The following CCDC146 variants were observed in gnomAD, a reference collection of about 807,000 sequenced individuals.
CCDC146 encodes the protein coiled-coil domain-containing protein 146.
In CCDC146, 92 loss-of-function variants were observed where a neutral mutation model predicts 119.3. That is an observed-to-expected ratio of 0.77 (90% CI 0.65 to 0.92). The LOEUF is 0.92. CCDC146 is among the 40% of genes least tolerant of loss of function. The probability of loss-of-function intolerance (pLI) is 0.00; values close to 1 mark genes in which losing one functional copy is unlikely to be tolerated. For missense variants in CCDC146, 1,000 were observed against 1,103.0 expected (o/e 0.91, Z 1.32); for synonymous variants, 372 against 371.8 (o/e 1.00, Z -0.01).
chr7:77,209,311 C>T (rs1792138551), intron 2 of CCDC146, among the ~76,000 whole-genome samples: 1 of 152,224 alleles, frequency 6.6e-6, no homozygotes, highest in South Asian at 2.1e-4. Context: ...AATCCAAAAC[C>T]CAGCAGGGCA....
At chr7:77,193,090 C>A (rs568415034) in intron 2 of CCDC146, among the ~76,000 whole-genome samples, 1 of 152,092 alleles carries the variant, frequency 6.6e-6, no homozygotes, top group South Asian at 2.1e-4. Flanking sequence ...TATTCAGATG[C>A]GTTTGTGTTG....
chr7:77,230,139 T>A (rs574706941), intron 2 of CCDC146, among the ~76,000 whole-genome samples: 1 of 152,340 alleles, frequency 6.6e-6, no homozygotes, highest in South Asian at 2.1e-4. Flanking sequence ...CATTCCTTTT[T>A]ATGGCTGAAT....
chr7:77,273,222 G>A (rs1407134488), intron 9 of CCDC146, among the ~76,000 whole-genome samples: 1 of 152,176 alleles, frequency 6.6e-6, no homozygotes, highest in Admixed American at 6.5e-5. Flanking sequence ...CCCACCTCAT[G>A]AGGGGTATTG....
chr7:77,278,478 CT>C lies in CCDC146; in HGVS notation c.1441-271del, dbSNP rs1458823660. Among the ~76,000 whole-genome samples the C allele has an allele frequency of 7.0e-5, 8 of 113,948 alleles. No individual in the cohort carries two copies. The Admixed American group carries it at 8.2e-4, about 12-fold the overall frequency. 74.8% of individuals were successfully genotyped at this position (113,948 alleles called of 152,430 possible). A position where few individuals can be genotyped will look rare whatever the true frequency, so the allele number is the denominator to read the frequency against. ...TTTTTTTTGGAGAGACAGGATCTTA[CT>C]TTGTCGCCCAGGCTGGAGCGGAGTG... On this transcript the variant is annotated intron_variant, in intron 11 of 18. Coordinates refer to ENST00000285871, the MANE Select transcript of CCDC146 (RefSeq NM_020879.3).
At chr7:77,210,840 G>T in intron 2 of CCDC146, among the ~76,000 whole-genome samples, 1 of 152,142 alleles carries the variant, frequency 6.6e-6, no homozygotes, top group East Asian at 1.9e-4. Context: ...GAGGGAGAGA[G>T]TGTGAAAGGG....
chr7:77,154,614 G>C (rs1355193120), intron 1 of CCDC146, among the ~76,000 whole-genome samples: 1 of 151,864 alleles, frequency 6.6e-6, no homozygotes, highest in Non-Finnish European at 1.5e-5. Flanking sequence ...TTTCATCCAT[G>C]TCCCTACAAA....
intron 2 of CCDC146, among the ~76,000 whole-genome samples, chr7:77,170,684 C>T (rs192690215): frequency 6.9e-4 from 105 of 152,288 alleles, no homozygotes; most frequent in Non-Finnish European, 1.1e-3. Flanking sequence ...GGTCTGATAT[C>T]TGGAATCTAT....
At chr7:77,251,445 A>T (rs1340629908) in intron 4 of CCDC146, among the ~76,000 whole-genome samples, 2 of 152,130 alleles carry the variant, frequency 1.3e-5, no homozygotes, top group Non-Finnish European at 2.9e-5. Context: ...ATTCCTGATA[A>T]TTCACACATC....
chr7:77,185,278 C>G (rs543487434), intron 2 of CCDC146, among the ~76,000 whole-genome samples: 34 of 152,196 alleles, frequency 2.2e-4, no homozygotes, highest in African/African-American at 7.7e-4. Flanking sequence ...AAAATTAAAA[C>G]AGGTTAGAGT....
At chr7:77,198,322 G>A (rs1463846898) in intron 2 of CCDC146, 10 of 985,288 alleles carry the variant, frequency 1.0e-5, no homozygotes, top group Non-Finnish European at 1.2e-5. Flanking sequence ...TTCATGGTAA[G>A]TAGAGGTCCA....
At chr7:77,289,124 G>C (rs755600428) in intron 17 of CCDC146, among the ~76,000 whole-genome samples, 5 of 152,228 alleles carry the variant, frequency 3.3e-5, no homozygotes, top group Non-Finnish European at 5.9e-5. Flanking sequence ...CGAAGGCTCA[G>C]TTAAGCTCAT....
Position 77,294,988 on chromosome 7 carries a change from G to A in CCDC146, c.*122G>A. 1.3e-6 allele frequency: 1 copy of A among 748,082 alleles called. No homozygotes were observed. Among genetic ancestry groups the A allele is most frequent in the Non-Finnish European group, 2.1e-6 (1 of 467,502 alleles). The allele number at this position is 748,082 out of a possible 1,614,324, so 46.3% of individuals were successfully genotyped here. A position where few individuals can be genotyped will look rare whatever the true frequency, so the allele number is the denominator to read the frequency against. ...TTGATAAGTAAGGTAACCACAATTAGTCAGCAACAGAGTACAACAGGGTTT... is the reference window on the plus strand; with the variant it reads ...TTGATAAGTAAGGTAACCACAATTAATCAGCAACAGAGTACAACAGGGTTT... On this transcript the variant is annotated 3_prime_UTR_variant, in exon 19 of 19. Transcript: ENST00000285871.
At chr7:77,185,293 G>GA (rs1301466930) in intron 2 of CCDC146, among the ~76,000 whole-genome samples, 1 of 152,028 alleles carries the variant, frequency 6.6e-6, no homozygotes, top group African/African-American at 2.4e-5. Flanking sequence ...TAGAGTCACT[G>GA]AAAAAAATAT....
chr7:77,236,830 C>G, intron 2 of CCDC146, 117 bp from the exon 3 acceptor site: 4 of 737,230 alleles, frequency 5.4e-6, no homozygotes, highest in Non-Finnish European at 7.0e-6. Context: ...TACATTGCCT[C>G]GTGTATCCTC....
chr7:77,154,894 G>A (rs1791159536), intron 1 of CCDC146, among the ~76,000 whole-genome samples: 1 of 151,978 alleles, frequency 6.6e-6, no homozygotes, highest in African/African-American at 2.4e-5. Context: ...CTTCCACAGT[G>A]GGACTTTTCT....
intron 1 of CCDC146, among the ~76,000 whole-genome samples, chr7:77,161,602 C>A (rs1791262680): frequency 7.5e-6 from 1 of 133,624 alleles, no homozygotes; most frequent in Non-Finnish European, 1.5e-5. Context: ...ACACATGGAC[C>A]CAGGAAGGGG....
At chr7:77,292,184 C>T (rs1793956417) in intron 17 of CCDC146, among the ~76,000 whole-genome samples, 1 of 152,026 alleles carries the variant, frequency 6.6e-6, no homozygotes, top group South Asian at 2.1e-4. Context: ...GTCCTATCTA[C>T]TTAGGAGGCT....
intron 1 of CCDC146, among the ~76,000 whole-genome samples, chr7:77,152,943 C>A (rs1464463208): frequency 6.6e-6 from 1 of 152,222 alleles, no homozygotes; most frequent in African/African-American, 2.4e-5. Flanking sequence ...CACAATAACA[C>A]TGAAATCATC....
Position 77,288,590 on chromosome 7 carries a change from C to T in CCDC146, c.2415+1013C>T, listed in dbSNP as rs149065921. Among the ~76,000 whole-genome samples, 32 of 152,374 alleles carry T rather than the reference C, an allele frequency of 2.1e-4. No individual in the cohort carries two copies. In the East Asian group the frequency reaches 6.2e-3, roughly 29 times the overall value. The stretch of plus-strand genomic sequence containing the variant: ...GAGCCATCAGAGGACTGGCCACTCA[C>T]CTGGCCTCTGGGTTCCCTGGAGCAT... On this transcript the variant is annotated intron_variant, in intron 17 of 18. Coordinates refer to ENST00000285871, the MANE Select transcript of CCDC146 (RefSeq NM_020879.3).
Sources: allele counts gnomAD v4.1 joint callset (sites outside exome capture counted in the v4.1 genomes callset), GRCh38; gene constraint gnomAD v4.1.1; transcripts MANE v1.5; gene names NCBI Gene and HGNC (gene_info 2026-07-23, HGNC 2026-07-21).